Variants in SLC13A2 observed in about 807,000 individuals in gnomAD.
The protein encoded by SLC13A2 is Na(+)-coupled citrate transporter.
SLC13A2 carries 40 observed loss-of-function variants against 58.5 expected under a neutral mutation model. That is an observed-to-expected ratio of 0.68 (90% confidence interval 0.53 to 0.89). SLC13A2 has a LOEUF of 0.89. SLC13A2 is among the 40% of genes least tolerant of loss of function. SLC13A2 has a pLI of 0.00. For synonymous variants in SLC13A2, 341 were observed against 331.6 expected (o/e 1.03, Z -0.31); for missense variants, 694 against 772.6 (o/e 0.90, Z 1.21).
intron 2 of SLC13A2, 162 bp from the exon 3 acceptor site, chr17:28,490,292 T>C (rs782333760): frequency 1.9e-6 from 3 of 1,577,468 alleles, no homozygotes; most frequent in Admixed American, 3.6e-5. Flanking sequence ...TAAATTTATT[T>C]TTTTTAAATG....
Position 28,494,318 on chromosome 17 carries a change from G to T in SLC13A2, c.1187-73G>T. The T allele has an allele frequency of 6.2e-7, 1 of 1,613,340 alleles. No individual in the cohort carries two copies. The highest frequency in any genetic ancestry group is 1.7e-5 in the Admixed American group (1 of 60,020). The stretch of plus-strand genomic sequence containing the variant: ...TTAAGCTCCAAAAGGGACCCACACA[G>T]GGAGCCCGCAAATGGAGAGGGGAAA... On this transcript the variant is annotated intron_variant, in intron 8 of 11. Transcript: ENST00000314669. This position sits in a 1 kb window ranked among gnomAD's most constrained non-coding sequence, Gnocchi z 4.0.
intron 7 of SLC13A2, 77 bp from the exon 8 acceptor site, chr17:28,493,940 C>A: frequency 1.3e-6 from 2 of 1,501,994 alleles, no homozygotes; most frequent in East Asian, 2.3e-5. Flanking sequence ...AGGCTCATCT[C>A]CACCACCCTC....
At chr17:28,492,142 C>T (rs2069040588) in intron 6 of SLC13A2, among the ~76,000 whole-genome samples, 1 of 152,126 alleles carries the variant, frequency 6.6e-6, no homozygotes, top group Non-Finnish European at 1.5e-5. Context: ...TAATGGTCCA[C>T]CGTCCTTTGA....
Position 28,473,799 on chromosome 17 carries a change from C to A in SLC13A2, c.87C>A (p.Ile29=). ...CCATTCTCCTGCTGCCTCTGCCCAT[C>A]CTCGTCCCCAGTAAGGTAAGGACTT... ...FVPILLLPLP[I]LVPSKEAYCA... The change falls in exon 1 of 12, where the codon ATC becomes ATA. Residue 29 remains isoleucine (I), a synonymous_variant. Coordinates refer to ENST00000314669, the MANE Select transcript of SLC13A2 (RefSeq NM_003984.4). 6.2e-7 allele frequency: 1 copy of A among 1,614,092 alleles called. No individual in the cohort carries two copies. Among genetic ancestry groups the A allele is most frequent in the Non-Finnish European group, 8.5e-7 (1 of 1,179,968 alleles).
chr17:28,485,001 AAG>A (rs1353490323), intron 1 of SLC13A2, among the ~76,000 whole-genome samples: 2 of 152,120 alleles, frequency 1.3e-5, no homozygotes, highest in Non-Finnish European at 2.9e-5. Flanking sequence ...GCACCTGAAA[AAG>A]AGAGACAGGC....
intron 5 of SLC13A2, 27 bp downstream of exon 5, chr17:28,491,644 G>C: frequency 6.2e-7 from 1 of 1,609,920 alleles, no homozygotes. Context: ...GGGCCACCTT[G>C]GGGGATCTGC....
chr17:28,494,384 G>T lies in SLC13A2; in HGVS notation c.1187-7G>T. 8.7e-6 allele frequency: 14 copies of T among 1,614,192 alleles called. No homozygotes were observed. The highest frequency in any genetic ancestry group is 1.1e-5 in the Non-Finnish European group (13 of 1,180,034). The stretch of plus-strand genomic sequence containing the variant: ...TGGTGACCCATCCTTCTCTGCTTGG[G>T]AAGTAGAAAACCCAGGGAAGCTGAA... On this transcript the variant is annotated splice_polypyrimidine_tract_variant and splice_region_variant and intron_variant, in intron 8 of 11. Transcript: ENST00000314669. This position sits in a 1 kb window ranked among gnomAD's most constrained non-coding sequence, Gnocchi z 4.0.
rs368702496 is a variant in SLC13A2, at chr17:28,490,794, C to T, written c.462C>T (p.Ala154=). Residue 154 remains alanine (A), a synonymous_variant, in exon 4 of 12, where the codon GCC becomes GCT. Coordinates refer to ENST00000314669, the MANE Select transcript of SLC13A2 (RefSeq NM_003984.4). ...TSAMMVPIAH[A]VLDQLHSSQA... Reference sequence around the variant, plus strand: ...CCATGATGGTGCCCATCGCACATGCCGTCCTGGACCAGCTGCACAGCTCGC... The same window carrying T: ...CCATGATGGTGCCCATCGCACATGCTGTCCTGGACCAGCTGCACAGCTCGC... The T allele has an allele frequency of 6.2e-6, 10 of 1,613,922 alleles. No individual in the cohort carries two copies. The highest frequency in any genetic ancestry group is 1.3e-5 in the African/African-American group (1 of 74,898).
In SLC13A2 at chr17:28,475,523, G is replaced by C. The variant is rs369846108; in HGVS notation, c.102+1709G>C. Among the ~76,000 whole-genome samples the C allele has an allele frequency of 8.5e-5, 13 of 152,256 alleles. 1 individual carries two copies. Among genetic ancestry groups the C allele is most frequent in the African/African-American group, 2.9e-4 (12 of 41,538 alleles). ...AACAAGAGCTCTCTTTCAAGGCCACGCTCCTTCCAGGATAGTGCCTCTTTC... is the reference window on the plus strand; with the variant it reads ...AACAAGAGCTCTCTTTCAAGGCCACCCTCCTTCCAGGATAGTGCCTCTTTC... On this transcript the variant is annotated intron_variant, in intron 1 of 11. Coordinates refer to ENST00000314669, the MANE Select transcript of SLC13A2 (RefSeq NM_003984.4).
At chr17:28,476,035 C>G (rs568714497) in intron 1 of SLC13A2, among the ~76,000 whole-genome samples, 31 of 152,304 alleles carry the variant, frequency 2.0e-4, no homozygotes, top group African/African-American at 7.2e-4. Context: ...TTTCCACGTC[C>G]AAACCAAAAC....
Position 28,496,139 on chromosome 17 carries a change from C to T in SLC13A2, c.1471-311C>T, listed in dbSNP as rs957186433. The stretch of plus-strand genomic sequence containing the variant: ...GGTGAAATTGCTCCCCGAAGCGTCC[C>T]AAGCCCCTTCCTCCCCAGGCGTGTT... On this transcript the variant is annotated intron_variant, in intron 10 of 11. Coordinates refer to ENST00000314669, the MANE Select transcript of SLC13A2 (RefSeq NM_003984.4). The surrounding 1 kb of genome is among the most constrained non-coding windows in gnomAD (Gnocchi z 4.2). Among the ~76,000 whole-genome samples, 5 of 152,156 alleles carry T rather than the reference C, an allele frequency of 3.3e-5. No homozygotes were observed. Among genetic ancestry groups the T allele is most frequent in the Non-Finnish European group, 7.4e-5 (5 of 68,022 alleles).
In SLC13A2 at chr17:28,496,993, G is replaced by A. The variant is rs1456817348; in HGVS notation, c.1609-106G>A. On this transcript the variant is annotated intron_variant, in intron 11 of 11. Transcript: ENST00000314669. This position sits in a 1 kb window ranked among gnomAD's most constrained non-coding sequence, Gnocchi z 4.2. Reference sequence around the variant, plus strand: ...TAGACCAACGGGAGGACTTCCCAGAGAGAATTTTGCTGGTAGGAGGGCTCC... The same window carrying A: ...TAGACCAACGGGAGGACTTCCCAGAAAGAATTTTGCTGGTAGGAGGGCTCC... 8.3e-6 allele frequency: 10 copies of A among 1,202,174 alleles called. No individual in the cohort carries two copies. Among genetic ancestry groups the A allele is most frequent in the Admixed American group, 2.0e-5 (1 of 50,756 alleles). The allele number at this position is 1,202,174 out of a possible 1,614,324, so 74.5% of individuals were successfully genotyped here.
intron 9 of SLC13A2, among the ~76,000 whole-genome samples, chr17:28,495,195 A>G (rs1034454496): frequency 1.3e-5 from 2 of 152,140 alleles, no homozygotes; most frequent in Non-Finnish European, 2.9e-5. Context: ...GACCCTGTGG[A>G]CTGTCCCTGT....
chr17:28,489,428 C>G (rs1433927390), intron 2 of SLC13A2, 86 bp downstream of exon 2: 7 of 1,472,392 alleles, frequency 4.8e-6, no homozygotes, highest in Non-Finnish European at 6.4e-6. Flanking sequence ...ACAAAGGAAG[C>G]CTCACCATAG....
At chr17:28,495,357 A>C (rs1173635359) in intron 9 of SLC13A2, among the ~76,000 whole-genome samples, 1 of 152,198 alleles carries the variant, frequency 6.6e-6, no homozygotes, top group Non-Finnish European at 1.5e-5. Flanking sequence ...GAGGTCAGGA[A>C]GGCAGGAGTC....
intron 1 of SLC13A2, among the ~76,000 whole-genome samples, chr17:28,479,887 G>T (rs560582155): frequency 1.3e-5 from 2 of 152,270 alleles, no homozygotes; most frequent in African/African-American, 4.8e-5. Context: ...GGGCGCAATG[G>T]CTCATGCCTG....
At chr17:28,478,124 T>C (rs1346934299) in intron 1 of SLC13A2, among the ~76,000 whole-genome samples, 1 of 152,088 alleles carries the variant, frequency 6.6e-6, no homozygotes, top group African/African-American at 2.4e-5. Context: ...TTTACAGACA[T>C]GTAAACTGAG....
At position 28,493,709 on chromosome 17, in the gene SLC13A2, G is replaced by C. The variant is rs782321902; in HGVS notation, c.1017G>C (p.Leu339=). 1 of 1,614,234 alleles carries C rather than the reference G, an allele frequency of 6.2e-7. No homozygotes were observed. ...EKAISILFVI[L]VLLWFTREPG... is the part of the protein sequence containing the mutation. ...CCATCAGCATCCTATTCGTCATCCT[G>C]GTGCTGCTCTGGTTCACCCGGGAGC... The change falls in exon 7 of 12, where the codon CTG becomes CTC. Residue 339 remains leucine (L), a synonymous_variant. Transcript: ENST00000314669.
chr17:28,478,850 A>G (rs1242429144), intron 1 of SLC13A2, among the ~76,000 whole-genome samples: 2 of 152,134 alleles, frequency 1.3e-5, no homozygotes, highest in Non-Finnish European at 2.9e-5. Context: ...TTGGGAAGAG[A>G]AAGTGGGAGG....
Sources: gnomAD v4.1 joint callset for allele counts (sites outside exome capture counted in the v4.1 genomes callset) on GRCh38, gnomAD v4.1.1 for gene constraint, Gnocchi (gnomAD v3.1) non-coding constraint, MANE v1.5 for transcripts, NCBI Gene and HGNC (gene_info 2026-07-23, HGNC 2026-07-21) for gene names.